The following KDM4B variants were observed in gnomAD, a reference collection of about 807,000 sequenced individuals.
KDM4B encodes the protein lysine demethylase 4B, also known as lysine-specific demethylase 4B.
A neutral mutation model predicts 125.2 loss-of-function variants in KDM4B; 32 were observed. The observed-to-expected ratio is 0.26, with a 90% CI of 0.19 to 0.34. The LOEUF (loss-of-function observed/expected upper bound fraction) is 0.34, where lower values mean the gene tolerates loss of function less well. Ranked by LOEUF, KDM4B falls within the 10% of genes least tolerant of loss-of-function variation. KDM4B has a pLI of 1.00. For synonymous variants in KDM4B, 721 were observed against 677.9 expected, an observed-to-expected ratio of 1.06 and a Z score of -0.99; for missense variants, 1,190 against 1,577.7, an observed-to-expected ratio of 0.75 and a Z score of 4.16.
chr19:4,970,941 C>T lies in KDM4B; in HGVS notation c.-109+1711C>T, dbSNP rs189893296. 1.2e-3 allele frequency among the ~76,000 whole-genome samples: 178 copies of T among 152,182 alleles called. 2 individuals carry two copies. Among genetic ancestry groups the T allele is most frequent in the South Asian group, 0.011 (54 of 4,812 alleles). On this transcript the variant is annotated intron_variant, in intron 1 of 22. Transcript: ENST00000159111. Reference sequence around the variant, plus strand: ...TTGAGCCGGCGACACCAGGACGGGTCAGACTGTCCTGGCCTAGAGGAGGTC... The same window carrying T: ...TTGAGCCGGCGACACCAGGACGGGTTAGACTGTCCTGGCCTAGAGGAGGTC...
intron 11 of KDM4B, among the ~76,000 whole-genome samples, chr19:5,130,340 C>G (rs1243598542): frequency 2.6e-5 from 4 of 152,168 alleles, no homozygotes; most frequent in African/African-American, 9.7e-5. Flanking sequence ...CTGCTCATCC[C>G]AGTTTTATTT....
chr19:5,146,242 C>A (rs1189644172), intron 21 of KDM4B, among the ~76,000 whole-genome samples: 4 of 148,590 alleles, frequency 2.7e-5, no homozygotes, highest in African/African-American at 5.0e-5. Flanking sequence ...CAGGACCCCC[C>A]CCGCTCCGCC....
At chr19:5,119,940 G>C in intron 11 of KDM4B, 88 bp downstream of exon 11, 1 of 1,434,502 alleles carries the variant, frequency 7.0e-7, no homozygotes, top group Non-Finnish European at 9.2e-7. Flanking sequence ...GCTACAGCCA[G>C]AGTCCCCGTT....
intron 10 of KDM4B, 24 bp downstream of exon 10, chr19:5,110,842 GTGACTGCCCA>G: frequency 6.5e-7 from 1 of 1,529,294 alleles, no homozygotes; most frequent in Non-Finnish European, 8.8e-7. Context: ...GGACTGCCGC[GTGACTGCCCA>G]GCATCACGGG....
chr19:5,030,523 C>T (rs1373577834), intron 2 of KDM4B, among the ~76,000 whole-genome samples: 1 of 152,196 alleles, frequency 6.6e-6, no homozygotes, highest in Non-Finnish European at 1.5e-5. Context: ...GAGCTGATGG[C>T]CCTTGCAGTG....
Position 5,131,979 on chromosome 19 carries a change from G to A in KDM4B, c.1878G>A (p.Val626=). ...GRPPTRSPLS[V]VKQEASSDEE... is the part of the protein sequence containing the mutation. ...CGCCCACCCGGTCCCCACTGTCGGT[G>A]GTGAAGCAGGAGGCCTCAAGTGACG... The change falls in exon 13 of 23, where the codon GTG becomes GTA. Residue 626 remains valine (V), a synonymous_variant. Transcript: ENST00000159111. 2.2e-5 allele frequency: 35 copies of A among 1,610,736 alleles called. No individual in the cohort carries two copies. Among genetic ancestry groups the A allele is most frequent in the Non-Finnish European group, 3.0e-5 (35 of 1,178,974 alleles).
At position 5,001,597 on chromosome 19, in the gene KDM4B, A is replaced by T. The variant is rs866099251; in HGVS notation, c.-108-14660A>T. 3.9e-5 allele frequency among the ~76,000 whole-genome samples: 6 copies of T among 152,170 alleles called. No individual in the cohort carries two copies. In the Middle Eastern group the frequency reaches 0.01, roughly 259 times the overall value. ...TGGTGGAAGGGTATCTTCATGGTAG[A>T]TTTTCGTGAGTGGGATTGCTGGGTC... On this transcript the variant is annotated intron_variant, in intron 1 of 22. Transcript: ENST00000159111.
intron 2 of KDM4B, among the ~76,000 whole-genome samples, chr19:5,021,004 G>A (rs1004911763): frequency 1.3e-5 from 2 of 152,100 alleles, no homozygotes; most frequent in Non-Finnish European, 2.9e-5. Context: ...AAAATTAGCC[G>A]GACGTGGTGG....
At chr19:4,989,881 G>C (rs983683900) in intron 1 of KDM4B, among the ~76,000 whole-genome samples, 2 of 152,310 alleles carry the variant, frequency 1.3e-5, no homozygotes, top group Admixed American at 1.3e-4. Context: ...TTGAACTCCT[G>C]ACTTCAGGTG....
chr19:5,153,372 C>A lies in KDM4B; in HGVS notation c.*1861C>A, dbSNP rs2039979865. The A allele has an allele frequency of 6.6e-6, 1 of 152,312 alleles. No individual in the cohort carries two copies. 9.4% of individuals were successfully genotyped at this position (152,312 alleles called of 1,614,324 possible). On this transcript the variant is annotated 3_prime_UTR_variant, in exon 23 of 23. Transcript: ENST00000159111. The stretch of plus-strand genomic sequence containing the variant: ...CTTGTCCCTTGGGGGTCACACCCAT[C>A]CCCTGGTGGGCTCCTGGGCGGCCTG...
chr19:5,113,029 C>T (rs1445583598), intron 10 of KDM4B: 1 of 152,346 alleles, frequency 6.6e-6, no homozygotes, highest in Non-Finnish European at 1.5e-5. Flanking sequence ...TAGAGGCCGT[C>T]TAAATTGCCT....
rs1275109323 is a variant in KDM4B at position 5,099,150 on chromosome 19, C to A, written c.919-11472C>A. 2.6e-5 allele frequency among the ~76,000 whole-genome samples: 4 copies of A among 152,208 alleles called. No homozygotes were observed. The East Asian group carries it at 7.7e-4, about 29-fold the overall frequency. On this transcript the variant is annotated intron_variant, in intron 9 of 22. Coordinates refer to ENST00000159111, the MANE Select transcript of KDM4B (RefSeq NM_015015.3). The stretch of plus-strand genomic sequence containing the variant: ...GGGCAGTGGAGAGGATTGCAGGGCA[C>A]CAGAAGGCCCATTTGTTTCCTTTCT...
At chr19:4,999,210 G>A (rs2035293553) in intron 1 of KDM4B, among the ~76,000 whole-genome samples, 1 of 152,092 alleles carries the variant, frequency 6.6e-6, no homozygotes, top group South Asian at 2.1e-4. Flanking sequence ...TTCTATCAGG[G>A]TGGGCTTGTG....
At chr19:5,066,109 C>T (rs1456298287) in intron 6 of KDM4B, among the ~76,000 whole-genome samples, 3 of 152,260 alleles carry the variant, frequency 2.0e-5, no homozygotes, top group Non-Finnish European at 4.4e-5. Flanking sequence ...CCGCGGGGCT[C>T]AGCCTCAGTT....
intron 1 of KDM4B, among the ~76,000 whole-genome samples, chr19:4,981,759 G>C (rs1022592004): frequency 6.6e-6 from 1 of 152,188 alleles, no homozygotes; most frequent in African/African-American, 2.4e-5. Flanking sequence ...TGGGGACAGT[G>C]ATGTGCCTGG....
rs145184475 is a variant in KDM4B at position 5,035,882 on chromosome 19, CGCGCGCGCGCGCGCCT to C, written c.141+2858_141+2873del. Reference sequence around the variant, plus strand: ...GTGTCTCTGTGTGTGTGTGTGTGTGCGCGCGCGCGCGCGCCTGCGCGCACAGGAGACTGAGGTGGGG... The same window carrying C: ...GTGTCTCTGTGTGTGTGTGTGTGTGCGCGCGCACAGGAGACTGAGGTGGGG... On this transcript the variant is annotated intron_variant, in intron 3 of 22. Transcript: ENST00000159111. The surrounding 1 kb of genome is among the most constrained non-coding windows in gnomAD (Gnocchi z 5.3). Among the ~76,000 whole-genome samples, 1 of 87,016 alleles carries C rather than the reference CGCGCGCGCGCGCGCCT, an allele frequency of 1.1e-5. No homozygotes were observed. The highest frequency in any genetic ancestry group is 2.5e-5 in the Non-Finnish European group (1 of 40,432). The allele number at this position is 87,016 out of a possible 152,430, so 57.1% of individuals were successfully genotyped here.
chr19:5,125,086 C>T (rs2039426210), intron 11 of KDM4B, among the ~76,000 whole-genome samples: 1 of 151,986 alleles, frequency 6.6e-6, no homozygotes, highest in Non-Finnish European at 1.5e-5. Context: ...TTTTAGTAGA[C>T]ACGGGGTCTC....
chr19:5,138,210 G>T, intron 18 of KDM4B, 140 bp downstream of exon 18: 1 of 634,560 alleles, frequency 1.6e-6, no homozygotes, highest in Non-Finnish European at 2.7e-6. Flanking sequence ...CTTTCAGGAA[G>T]CCAGTGATCC....
rs2038299071 is a variant in KDM4B at position 5,081,674 on chromosome 19, G to A, written c.781-693G>A. 6.6e-6 allele frequency among the ~76,000 whole-genome samples: 1 copy of A among 152,220 alleles called. No homozygotes were observed. The highest frequency in any genetic ancestry group is 2.4e-5 in the African/African-American group (1 of 41,454). On this transcript the variant is annotated intron_variant, in intron 8 of 22. Transcript: ENST00000159111. This position sits in a 1 kb window ranked among gnomAD's most constrained non-coding sequence, Gnocchi z 4.2. ...TCCAGGGTGCTGATCTGTGGTGTCA[G>A]GTCATGCCCCCGGTGTGCAGATATT... is the stretch of plus-strand genomic sequence containing the variant.
Sources: gnomAD v4.1 joint callset for allele counts (sites outside exome capture counted in the v4.1 genomes callset) on GRCh38, gnomAD v4.1.1 for gene constraint, Gnocchi (gnomAD v3.1) non-coding constraint, MANE v1.5 for transcripts, NCBI Gene and HGNC (gene_info 2026-07-23, HGNC 2026-07-21) for gene names.